Variants in TTLL11 observed in about 807,000 individuals in gnomAD.
The protein encoded by TTLL11 is tubulin polyglutamylase TTLL11.
TTLL11 carries 42 observed loss-of-function variants against 51.7 expected under a neutral mutation model. The observed-to-expected ratio is 0.81, with a 90% CI of 0.64 to 1.05. The LOEUF is 1.05. TTLL11 is among the 50% of genes least tolerant of loss of function. The pLI, the probability that TTLL11 is intolerant of heterozygous loss-of-function variation, is 0.00. For synonymous variants in TTLL11, 381 were observed against 383.5 expected, an observed-to-expected ratio of 0.99 and a Z score of 0.08; for missense variants, 799 against 940.4, an observed-to-expected ratio of 0.85 and a Z score of 1.97.
At chr9:122,055,066 A>C (rs902716799) in intron 1 of TTLL11, among the ~76,000 whole-genome samples, 3 of 152,194 alleles carry the variant, frequency 2.0e-5, no homozygotes, top group African/African-American at 7.2e-5. Flanking sequence ...CACATAAGCA[A>C]GTCATGCCTC....
At chr9:122,025,332 A>G (rs1236204452) in intron 3 of TTLL11, among the ~76,000 whole-genome samples, 1 of 152,210 alleles carries the variant, frequency 6.6e-6, no homozygotes, top group Non-Finnish European at 1.5e-5. Flanking sequence ...AAGACTGACC[A>G]CTGGCCCTGT....
intron 3 of TTLL11, among the ~76,000 whole-genome samples, chr9:122,012,312 G>C (rs1463015725): frequency 6.6e-6 from 1 of 152,080 alleles, no homozygotes; most frequent in Non-Finnish European, 1.5e-5. Flanking sequence ...AAAAATTGAA[G>C]GGTGAAAGAT....
chr9:121,857,532 A>AT (rs2131376228), intron 8 of TTLL11, among the ~76,000 whole-genome samples: 1 of 152,314 alleles, frequency 6.6e-6, no homozygotes, highest in Admixed American at 6.5e-5. Context: ...ATTTGCAGCG[A>AT]TATATGCACA....
chr9:121,846,981 C>T (rs533825872), intron 8 of TTLL11, among the ~76,000 whole-genome samples: 4 of 152,192 alleles, frequency 2.6e-5, no homozygotes, highest in East Asian at 1.9e-4. Flanking sequence ...GAGGCCGAGG[C>T]GGGCGGATCA....
chr9:121,899,365 G>GTGTGTGTATATA, intron 6 of TTLL11, among the ~76,000 whole-genome samples: 1 of 113,246 alleles, frequency 8.8e-6, no homozygotes, highest in African/African-American at 3.3e-5. Flanking sequence ...ATGTGTGTGT[G>GTGTGTGTATATA]TATATATATA....
intron 3 of TTLL11, among the ~76,000 whole-genome samples, chr9:122,020,974 A>G (rs532579115): frequency 1.3e-5 from 2 of 152,344 alleles, no homozygotes; most frequent in South Asian, 4.1e-4. Flanking sequence ...CTAGATAAAA[A>G]CACTCAGCAA....
rs541079647 is a variant in TTLL11 at position 121,825,340 on chromosome 9, CGCCACTCAAAGTGTGGCTGGCTGACAGT to C, written c.1841-2489_1841-2462del. Among the ~76,000 whole-genome samples, 55 of 152,268 alleles carry C rather than the reference CGCCACTCAAAGTGTGGCTGGCTGACAGT, an allele frequency of 3.6e-4. 1 individual carries two copies. The South Asian group carries it at 6.4e-3, about 18-fold the overall frequency. On this transcript the variant is annotated intron_variant, in intron 8 of 8. Transcript: ENST00000321582. ...CTTCCCAACGGTGTGATCTAAACAG[CGCCACTCAAAGTGTGGCTGGCTGACAGT>C]GCCAAGCCCATGAACTGTGTGTCCC...
intron 1 of TTLL11, among the ~76,000 whole-genome samples, chr9:122,072,928 C>T (rs1280398720): frequency 6.6e-6 from 1 of 152,182 alleles, no homozygotes; most frequent in African/African-American, 2.4e-5. Flanking sequence ...TTTGTTTGCC[C>T]GTGCTTGGCA....
rs565190000 is a variant in TTLL11, at chr9:122,055,251, G to C, written c.463-15883C>G. On this transcript the variant is annotated intron_variant, in intron 1 of 8. Transcript: ENST00000321582. The stretch of plus-strand genomic sequence containing the variant: ...TAGATAGATAGATAGATAAAGGGGA[G>C]TTTATTAAGTATTAACTCACATGAT... 1.9e-4 allele frequency among the ~76,000 whole-genome samples: 15 copies of C among 80,718 alleles called. No homozygotes were observed. The South Asian group carries it at 4.9e-3, about 26-fold the overall frequency. The allele number at this position is 80,718 out of a possible 152,430, so 53.0% of individuals were successfully genotyped here.
chr9:121,822,767 G>C lies in TTLL11; in HGVS notation c.1953C>G (p.His651Gln), dbSNP rs916885484. 6.6e-5 allele frequency: 103 copies of C among 1,551,596 alleles called. No individual in the cohort carries two copies. The highest frequency in any genetic ancestry group is 8.5e-5 in the Non-Finnish European group (97 of 1,146,994). The change falls in exon 9 of 9, where the codon CAC becomes CAG. Residue 651 changes from histidine (H) to glutamine (Q), a missense_variant. This residue lies in a region of TTLL11 where 165 missense variants were observed against 166.1 expected (regional missense o/e 0.99). Coordinates refer to ENST00000321582, the MANE Select transcript of TTLL11 (RefSeq NM_001139442.2). This position sits in a 1 kb window ranked among gnomAD's most constrained non-coding sequence, Gnocchi z 5.8. Reference sequence around the variant, plus strand: ...GGCGTTTTTCATCCAGCAGGGACAGGTGGTACTCGCAAAGGTCAATCAGTG... The same window carrying C: ...GGCGTTTTTCATCCAGCAGGGACAGCTGGTACTCGCAAAGGTCAATCAGTG... ...VASLIDLCEY[H>Q]LSLLDEKRLV...
At chr9:121,865,797 G>A (rs894392431) in intron 7 of TTLL11, among the ~76,000 whole-genome samples, 1 of 152,164 alleles carries the variant, frequency 6.6e-6, no homozygotes, top group African/African-American at 2.4e-5. Flanking sequence ...CTGAGGAAGT[G>A]ACATGAAAAG....
At chr9:121,939,073 C>A (rs960966567) in intron 6 of TTLL11, among the ~76,000 whole-genome samples, 2 of 152,126 alleles carry the variant, frequency 1.3e-5, no homozygotes, top group Non-Finnish European at 2.9e-5. Context: ...ATGAGAGACA[C>A]GTATAAGGAC....
In TTLL11 at chr9:122,072,493, A is replaced by G. The variant is rs1845755509; in HGVS notation, c.462+20194T>C. Among the ~76,000 whole-genome samples, 3 of 152,102 alleles carry G rather than the reference A, an allele frequency of 2.0e-5. No homozygotes were observed. The South Asian group carries it at 6.2e-4, about 32-fold the overall frequency. On this transcript the variant is annotated intron_variant, in intron 1 of 8. Coordinates refer to ENST00000321582, the MANE Select transcript of TTLL11 (RefSeq NM_001139442.2). ...ACCTCGTCTCTACTAAAAATACAAA[A>G]ATTAGCAGGGTGTGATGGCACACAC... is the stretch of plus-strand genomic sequence containing the variant.
At chr9:122,012,702 A>G (rs530338252) in intron 3 of TTLL11, among the ~76,000 whole-genome samples, 4 of 151,112 alleles carry the variant, frequency 2.6e-5, no homozygotes, top group Non-Finnish European at 4.4e-5. Context: ...ACACACACAC[A>G]CCAAGTTAAG....
At chr9:121,826,537 GTATA>G (rs1157615086) in intron 8 of TTLL11, among the ~76,000 whole-genome samples, 1 of 47,008 alleles carries the variant, frequency 2.1e-5, no homozygotes, top group African/African-American at 1.2e-4. Flanking sequence ...ATGTGTGTGT[GTATA>G]TATATATATG....
At chr9:121,986,117 C>T (rs554111578) in intron 4 of TTLL11, among the ~76,000 whole-genome samples, 1 of 152,312 alleles carries the variant, frequency 6.6e-6, no homozygotes, top group South Asian at 2.1e-4. Flanking sequence ...TGTGGTCAAG[C>T]AGTGGGAAAC....
chr9:121,927,994 C>T (rs1017748377), intron 6 of TTLL11, among the ~76,000 whole-genome samples: 6 of 152,118 alleles, frequency 3.9e-5, no homozygotes, highest in African/African-American at 1.4e-4. Flanking sequence ...AGATGCTATT[C>T]CCAACCCTGA....
At chr9:121,903,515 G>A (rs555316376) in intron 6 of TTLL11, among the ~76,000 whole-genome samples, 1 of 152,244 alleles carries the variant, frequency 6.6e-6, no homozygotes, top group South Asian at 2.1e-4. Flanking sequence ...TGTGTGACTT[G>A]GGCAAGTTCA....
In TTLL11 at chr9:121,974,920, A is replaced by G. The variant is rs1231906430; in HGVS notation, c.1329T>C (p.Asn443=). ...KNLKPILLEV[N]ANPSMRIEHE... ...GTTCGATTCTCATACTGGGATTTGCATTTACTTCAAGTAGTATAGGCTTCA... is the reference window on the plus strand; with the variant it reads ...GTTCGATTCTCATACTGGGATTTGCGTTTACTTCAAGTAGTATAGGCTTCA... Residue 443 remains asparagine (N), a synonymous_variant, in exon 5 of 9, where the codon AAT becomes AAC. Transcript: ENST00000321582. 1 of 1,543,796 alleles carries G rather than the reference A, an allele frequency of 6.5e-7. No homozygotes were observed.
Sources: gnomAD v4.1 joint callset for allele counts (sites outside exome capture counted in the v4.1 genomes callset) on GRCh38, gnomAD v4.1.1 for gene constraint, gnomAD v4.1.1 regional missense constraint, Gnocchi (gnomAD v3.1) non-coding constraint, MANE v1.5 for transcripts, NCBI Gene and HGNC (gene_info 2026-07-23, HGNC 2026-07-21) for gene names.